The following RASSF5 variants were observed in gnomAD, a reference collection of about 807,000 sequenced individuals.
RASSF5 encodes Ras association domain family member 5, also known as ras association domain-containing protein 5.
In RASSF5, 25 loss-of-function variants were observed where a neutral mutation model predicts 40.5. That is an observed-to-expected ratio of 0.62 (90% CI 0.45 to 0.86). The LOEUF is 0.86. RASSF5 is among the 40% of genes least tolerant of loss of function. RASSF5 has a pLI of 0.00. For synonymous variants in RASSF5, 246 were observed against 252.4 expected (o/e 0.97, Z 0.24); for missense variants, 521 against 572.8 (o/e 0.91, Z 0.92).
At chr1:206,522,386 T>C (rs912596501) in intron 1 of RASSF5, among the ~76,000 whole-genome samples, 1 of 152,220 alleles carries the variant, frequency 6.6e-6, no homozygotes, top group Non-Finnish European at 1.5e-5. Context: ...TTAATTGCCC[T>C]GTTCAAAAAC....
rs890106904 is a variant in RASSF5 at position 206,546,534 on chromosome 1, C to T, written c.579+8241C>T. 4.6e-5 allele frequency among the ~76,000 whole-genome samples: 7 copies of T among 152,284 alleles called. No homozygotes were observed. In the East Asian group the frequency reaches 1.3e-3, roughly 29 times the overall value. ...TGCATTTTATCCCATTTGTTGCCTA[C>T]AAGCTTTAACCCTTTGTTTTGTTAT... On this transcript the variant is annotated intron_variant, in intron 2 of 5. Coordinates refer to ENST00000579436, the MANE Select transcript of RASSF5 (RefSeq NM_182663.4).
chr1:206,562,703 C>T (rs547897361), intron 2 of RASSF5, among the ~76,000 whole-genome samples: 40 of 152,236 alleles, frequency 2.6e-4, no homozygotes, highest in African/African-American at 1.2e-4. Flanking sequence ...GAGGCCGAGA[C>T]GGGCGGATCA....
intron 1 of RASSF5, among the ~76,000 whole-genome samples, chr1:206,533,053 G>C (rs1243159588): frequency 6.6e-6 from 1 of 152,160 alleles, no homozygotes; most frequent in African/African-American, 2.4e-5. Flanking sequence ...GAGGTTTGTA[G>C]CTTCTAAATT....
At chr1:206,581,779 T>C (rs1553406396) in intron 2 of RASSF5, among the ~76,000 whole-genome samples, 2 of 151,596 alleles carry the variant, frequency 1.3e-5, no homozygotes, top group Admixed American at 1.3e-4. Context: ...ATCGGTTCTG[T>C]GGGATTGGAA....
chr1:206,517,131 A>G (rs1666769530), intron 1 of RASSF5, among the ~76,000 whole-genome samples: 1 of 152,170 alleles, frequency 6.6e-6, no homozygotes, highest in African/African-American at 2.4e-5. Flanking sequence ...TCCACCAGAG[A>G]TTCTGCAAGT....
chr1:206,514,958 G>A (rs781986054), intron 1 of RASSF5, among the ~76,000 whole-genome samples: 1 of 152,180 alleles, frequency 6.6e-6, no homozygotes, highest in Non-Finnish European at 1.5e-5. Context: ...ATTCTGTTTC[G>A]TCGGTAGAAC....
At position 206,588,501 on chromosome 1, in the gene RASSF5, C is replaced by T. The variant is rs1669222013; in HGVS notation, c.*1523C>T. On this transcript the variant is annotated 3_prime_UTR_variant, in exon 6 of 6. Coordinates refer to ENST00000579436, the MANE Select transcript of RASSF5 (RefSeq NM_182663.4). ...TTTCAAAGCAGGGCTGGTTTTCCAACCCAGCCTCTGAGAAACCATTTCTTT... is the reference window on the plus strand; with the variant it reads ...TTTCAAAGCAGGGCTGGTTTTCCAATCCAGCCTCTGAGAAACCATTTCTTT... 6.6e-6 allele frequency: 1 copy of T among 152,360 alleles called. No homozygotes were observed. Among genetic ancestry groups the T allele is most frequent in the Non-Finnish European group, 1.5e-5 (1 of 68,042 alleles). 9.4% of individuals were successfully genotyped at this position (152,360 alleles called of 1,614,324 possible).
Position 206,587,679 on chromosome 1 carries a change from A to C in RASSF5, c.*701A>C, listed in dbSNP as rs1669174082. Reference sequence around the variant, plus strand: ...GAAACCCAAAGGCATATATCTGCGTATGTGTGGTACTTAGTCACATCTTTG... The same window carrying C: ...GAAACCCAAAGGCATATATCTGCGTCTGTGTGGTACTTAGTCACATCTTTG... On this transcript the variant is annotated 3_prime_UTR_variant, in exon 6 of 6. Coordinates refer to ENST00000579436, the MANE Select transcript of RASSF5 (RefSeq NM_182663.4). The C allele has an allele frequency of 6.5e-6, 1 of 152,912 alleles. No individual in the cohort carries two copies. Among genetic ancestry groups the C allele is most frequent in the Non-Finnish European group, 1.5e-5 (1 of 68,462 alleles). 9.5% of individuals were successfully genotyped at this position (152,912 alleles called of 1,614,324 possible).
At chr1:206,529,554 A>AT (rs1214805993) in intron 1 of RASSF5, 2 of 864,026 alleles carry the variant, frequency 2.3e-6, no homozygotes, top group Non-Finnish European at 3.9e-6. Flanking sequence ...CGCTTTGGCT[A>AT]AGCTGGTGGA....
intron 1 of RASSF5, among the ~76,000 whole-genome samples, chr1:206,516,615 C>G (rs1553395429): frequency 6.6e-6 from 1 of 152,112 alleles, no homozygotes; most frequent in East Asian, 1.9e-4. Context: ...TGCCACCACA[C>G]CCGGATAATT....
Position 206,545,974 on chromosome 1 carries a change from A to G in RASSF5, c.579+7681A>G, listed in dbSNP as rs1485734413. Among the ~76,000 whole-genome samples the G allele has an allele frequency of 2.2e-5, 3 of 138,056 alleles. No individual in the cohort carries two copies. The South Asian group carries it at 6.8e-4, about 31-fold the overall frequency. 90.6% of individuals were successfully genotyped at this position (138,056 alleles called of 152,430 possible). A position where few individuals can be genotyped will look rare whatever the true frequency, so the allele number is the denominator to read the frequency against. On this transcript the variant is annotated intron_variant, in intron 2 of 5. Coordinates refer to ENST00000579436, the MANE Select transcript of RASSF5 (RefSeq NM_182663.4). Reference sequence around the variant, plus strand: ...CTAGATTTTTTTTTTTTTTTTTGAGACAGTCTTGCTCTGTCACCCAGGCTG... The same window carrying G: ...CTAGATTTTTTTTTTTTTTTTTGAGGCAGTCTTGCTCTGTCACCCAGGCTG...
intron 1 of RASSF5, chr1:206,518,565 C>A (rs909498309): frequency 3.0e-5 from 12 of 397,688 alleles, no homozygotes; most frequent in African/African-American, 2.1e-4. Flanking sequence ...GCCAATCTGA[C>A]TGGGGGAGCT....
At chr1:206,542,372 T>C (rs1231245385) in intron 2 of RASSF5, 5 of 152,204 alleles carry the variant, frequency 3.3e-5, no homozygotes, top group Admixed American at 2.6e-4. Flanking sequence ...ATCTCTTTTT[T>C]GCTGTCTCTC....
chr1:206,507,737 T>C lies in RASSF5; in HGVS notation c.135T>C (p.Cys45=). The change falls in exon 1 of 6, where the codon TGT becomes TGC. Residue 45 remains cysteine (C), a synonymous_variant. Transcript: ENST00000579436. ...PPPPDRSSRL[C]VPAPLSTAPG... ...CCCCCGACCGGTCCTCGCGCCTCTG[T>C]GTCCCGGCGCCCCTCTCCACTGCGC... The C allele has an allele frequency of 6.8e-7, 1 of 1,475,498 alleles. No homozygotes were observed. Among genetic ancestry groups the C allele is most frequent in the Non-Finnish European group, 8.9e-7 (1 of 1,120,420 alleles). The allele number at this position is 1,475,498 out of a possible 1,614,324, so 91.4% of individuals were successfully genotyped here.
At chr1:206,585,340 GGGTGGGTGCA>G (rs781966670) in intron 5 of RASSF5, 45 bp downstream of exon 5, 22 of 1,443,544 alleles carry the variant, frequency 1.5e-5, no homozygotes, top group Non-Finnish European at 2.1e-5. Flanking sequence ...AGGGCACCCT[GGGTGGGTGCA>G]GGTGGGTGTT....
chr1:206,578,295 T>C lies in RASSF5; in HGVS notation c.580-4974T>C, dbSNP rs114822994. Reference sequence around the variant, plus strand: ...ATGCTTACTTAAGTGCCAGATAGTATAGTGTTGCCTTTAGATGTAGGTTAG... The same window carrying C: ...ATGCTTACTTAAGTGCCAGATAGTACAGTGTTGCCTTTAGATGTAGGTTAG... On this transcript the variant is annotated intron_variant, in intron 2 of 5. Transcript: ENST00000579436. Among the ~76,000 whole-genome samples, 1,090 of 151,778 alleles carry C rather than the reference T, an allele frequency of 7.2e-3. 6 individuals are homozygous for C. Among genetic ancestry groups the C allele is most frequent in the Non-Finnish European group, 0.012 (793 of 67,934 alleles).
chr1:206,557,266 C>T, intron 2 of RASSF5: 3 of 1,149,534 alleles, frequency 2.6e-6, no homozygotes, highest in Non-Finnish European at 3.2e-6. Flanking sequence ...GCCGGGGACA[C>T]GAAACCGCAG....
At chr1:206,575,228 G>A (rs1178938118) in intron 2 of RASSF5, among the ~76,000 whole-genome samples, 1 of 152,146 alleles carries the variant, frequency 6.6e-6, no homozygotes, top group Non-Finnish European at 1.5e-5. Flanking sequence ...TGTTTGGGGT[G>A]TGGAAGGCAG....
In RASSF5 at chr1:206,589,428, A is replaced by G. The variant is rs1009804485; in HGVS notation, c.*2450A>G. The G allele has an allele frequency of 6.6e-6, 1 of 152,344 alleles. No homozygotes were observed. Among genetic ancestry groups the G allele is most frequent in the Non-Finnish European group, 1.5e-5 (1 of 68,036 alleles). The allele number at this position is 152,344 out of a possible 1,614,324, so 9.4% of individuals were successfully genotyped here. On this transcript the variant is annotated 3_prime_UTR_variant, in exon 6 of 6. Transcript: ENST00000579436. ...AGAAATGAAGGCTACTGTTCAAATA[A>G]TTTGGGAAAAATTGTCCAAATGCGT... is the stretch of plus-strand genomic sequence containing the variant.
Sources: gnomAD v4.1 joint callset for allele counts (sites outside exome capture counted in the v4.1 genomes callset) on GRCh38, gnomAD v4.1.1 for gene constraint, MANE v1.5 for transcripts, NCBI Gene and HGNC (gene_info 2026-07-23, HGNC 2026-07-21) for gene names.